The following CCDC85A variants were observed in gnomAD, a reference collection of about 807,000 sequenced individuals.
CCDC85A encodes the protein coiled-coil domain-containing protein 85A.
Under a neutral mutation model 50.2 loss-of-function variants are expected in CCDC85A, and 38 were observed. The observed-to-expected ratio is 0.76, with a 90% CI of 0.58 to 0.99. The LOEUF (loss-of-function observed/expected upper bound fraction) is 0.99, where lower values mean the gene tolerates loss of function less well. Among genes scored for constraint, CCDC85A ranks in the 50% least tolerant of loss-of-function variants. The pLI is 0.00. For synonymous variants in CCDC85A, 366 were observed against 301.4 expected, an observed-to-expected ratio of 1.21 and a Z score of -2.22; for missense variants, 820 against 742.0, an observed-to-expected ratio of 1.11 and a Z score of -1.22.
intron 2 of CCDC85A, among the ~76,000 whole-genome samples, chr2:56,309,770 C>T (rs751582226): frequency 1.3e-5 from 2 of 152,082 alleles, no homozygotes; most frequent in African/African-American, 4.8e-5. Flanking sequence ...TAAAAGGATG[C>T]GTGCTGAACA....
At chr2:56,360,097 T>G (rs1652925508) in intron 3 of CCDC85A, among the ~76,000 whole-genome samples, 1 of 152,224 alleles carries the variant, frequency 6.6e-6, no homozygotes, top group South Asian at 2.1e-4. Context: ...AGTGTGATGT[T>G]CACGTTGTAT....
chr2:56,210,231 C>A (rs1199513633), intron 2 of CCDC85A, among the ~76,000 whole-genome samples: 1 of 152,050 alleles, frequency 6.6e-6, no homozygotes, highest in African/African-American at 2.4e-5. Flanking sequence ...GGGCCAAATA[C>A]CGTCACAGTC....
chr2:56,326,025 G>C (rs1673451876), intron 2 of CCDC85A, among the ~76,000 whole-genome samples: 1 of 152,134 alleles, frequency 6.6e-6, no homozygotes, highest in African/African-American at 2.4e-5. Flanking sequence ...TGATAAGGAA[G>C]AGGGTTTAAA....
At chr2:56,338,101 T>C (rs1674169571) in intron 2 of CCDC85A, among the ~76,000 whole-genome samples, 1 of 152,172 alleles carries the variant, frequency 6.6e-6, no homozygotes, top group Non-Finnish European at 1.5e-5. Context: ...ATGCATTATA[T>C]ATTTATGTAC....
At chr2:56,379,110 C>T (rs1447341822) in intron 5 of CCDC85A, among the ~76,000 whole-genome samples, 1 of 152,090 alleles carries the variant, frequency 6.6e-6, no homozygotes, top group Non-Finnish European at 1.5e-5. Flanking sequence ...GCATTTTATT[C>T]CAAGACATTT....
intron 2 of CCDC85A, among the ~76,000 whole-genome samples, chr2:56,230,311 G>T (rs770805576): frequency 9.2e-5 from 14 of 152,136 alleles, no homozygotes; most frequent in African/African-American, 3.1e-4. Context: ...GATACCTTGG[G>T]CAGATGATGT....
rs1055742139 is a variant in CCDC85A, at chr2:56,376,074, C to A, written c.1572+139C>A. The A allele has an allele frequency of 7.8e-6, 7 of 899,780 alleles. No homozygotes were observed. In the Admixed American group the frequency reaches 2.2e-4, roughly 29 times the overall value. 55.7% of individuals were successfully genotyped at this position (899,780 alleles called of 1,614,324 possible). On this transcript the variant is annotated intron_variant, in intron 5 of 5. Coordinates refer to ENST00000407595, the MANE Select transcript of CCDC85A (RefSeq NM_001080433.2). ...CTCCTTATGGTGTAACTTTTTAAATCTTAATTTTTGAAGTATGATTTTTAT... is the reference window on the plus strand; with the variant it reads ...CTCCTTATGGTGTAACTTTTTAAATATTAATTTTTGAAGTATGATTTTTAT...
At chr2:56,329,134 G>A (rs1444833413) in intron 2 of CCDC85A, among the ~76,000 whole-genome samples, 4 of 152,044 alleles carry the variant, frequency 2.6e-5, no homozygotes, top group African/African-American at 9.7e-5. Flanking sequence ...TTCACTTTGA[G>A]CATTTCAGCC....
intron 2 of CCDC85A, among the ~76,000 whole-genome samples, chr2:56,306,550 T>G (rs1397111833): frequency 6.6e-6 from 1 of 152,092 alleles, no homozygotes; most frequent in Non-Finnish European, 1.5e-5. Context: ...CAGAAAAAAA[T>G]GGGTTTCTCA....
At chr2:56,221,086 A>T (rs1029557629) in intron 2 of CCDC85A, among the ~76,000 whole-genome samples, 1 of 152,034 alleles carries the variant, frequency 6.6e-6, no homozygotes, top group African/African-American at 2.4e-5. Flanking sequence ...GTGTTTTCTG[A>T]TTTCATTTCC....
intron 2 of CCDC85A, among the ~76,000 whole-genome samples, chr2:56,333,910 G>T (rs994614475): frequency 2.0e-5 from 3 of 152,174 alleles, no homozygotes; most frequent in African/African-American, 7.2e-5. Context: ...ACAGATTCCT[G>T]TCTCAAGCTG....
chr2:56,214,313 A>C (rs1480932854), intron 2 of CCDC85A, among the ~76,000 whole-genome samples: 1 of 151,918 alleles, frequency 6.6e-6, no homozygotes, highest in African/African-American at 2.4e-5. Flanking sequence ...GTCAATAGTC[A>C]ATGTGTGTAA....
At chr2:56,260,307 G>C (rs775925431) in intron 2 of CCDC85A, among the ~76,000 whole-genome samples, 25 of 152,160 alleles carry the variant, frequency 1.6e-4, no homozygotes, top group Non-Finnish European at 3.1e-4. Context: ...TTTTCCCAGG[G>C]ATCTCAGCTA....
intron 2 of CCDC85A, among the ~76,000 whole-genome samples, chr2:56,262,859 C>A (rs1216128902): frequency 1.3e-5 from 2 of 152,142 alleles, no homozygotes; most frequent in Non-Finnish European, 2.9e-5. Context: ...TATATGTAAC[C>A]AGGGCATTTG....
In CCDC85A at chr2:56,385,584, G is replaced by C. The variant is rs925469806; in HGVS notation, c.*1229G>C. On this transcript the variant is annotated 3_prime_UTR_variant, in exon 6 of 6. Coordinates refer to ENST00000407595, the MANE Select transcript of CCDC85A (RefSeq NM_001080433.2). ...ATGCTACGTTTTTATGGTAGTTTAA[G>C]ATTATAAAAGTAGAAATGCAACAAT... The C allele has an allele frequency of 2.0e-5, 3 of 150,120 alleles. No individual in the cohort carries two copies. Among genetic ancestry groups the C allele is most frequent in the African/African-American group, 7.6e-5 (3 of 39,458 alleles). The allele number at this position is 150,120 out of a possible 1,614,324, so 9.3% of individuals were successfully genotyped here.
chr2:56,184,013 C>T lies in CCDC85A; in HGVS notation c.-612C>T. On this transcript the variant is annotated 5_prime_UTR_variant, in exon 1 of 6. Coordinates refer to ENST00000407595, the MANE Select transcript of CCDC85A (RefSeq NM_001080433.2). ...CCCTTCTCGACTCCGCTCTGCAAAT[C>T]GAAGGCTTTCCGGAGCAGCCTAGGA... The T allele has an allele frequency of 1.0e-6, 1 of 985,572 alleles. No homozygotes were observed. Among genetic ancestry groups the T allele is most frequent in the Non-Finnish European group, 1.2e-6 (1 of 830,084 alleles). The allele number at this position is 985,572 out of a possible 1,614,324, so 61.1% of individuals were successfully genotyped here. A position where few individuals can be genotyped will look rare whatever the true frequency, so the allele number is the denominator to read the frequency against.
At chr2:56,298,941 G>A (rs1331151005) in intron 2 of CCDC85A, among the ~76,000 whole-genome samples, 1 of 152,134 alleles carries the variant, frequency 6.6e-6, no homozygotes, top group Non-Finnish European at 1.5e-5. Flanking sequence ...CTAAGGACAG[G>A]ATCAAAGGTA....
At chr2:56,336,726 T>C (rs763557666) in intron 2 of CCDC85A, among the ~76,000 whole-genome samples, 2 of 152,190 alleles carry the variant, frequency 1.3e-5, no homozygotes, top group Non-Finnish European at 2.9e-5. Flanking sequence ...TTCATATTTT[T>C]ATCAGAGTGT....
At chr2:56,256,820 C>T (rs1670004179) in intron 2 of CCDC85A, among the ~76,000 whole-genome samples, 1 of 152,186 alleles carries the variant, frequency 6.6e-6, no homozygotes, top group Non-Finnish European at 1.5e-5. Context: ...GCCCTGCAGA[C>T]TCGTCTGAAA....
Sources: gnomAD v4.1 joint callset for allele counts (sites outside exome capture counted in the v4.1 genomes callset) on GRCh38, gnomAD v4.1.1 for gene constraint, MANE v1.5 for transcripts, NCBI Gene and HGNC (gene_info 2026-07-23, HGNC 2026-07-21) for gene names.